The following NOX4 variants were observed in gnomAD, a reference collection of about 807,000 sequenced individuals.
NOX4 encodes NADPH oxidase 4.
NOX4 carries 69 observed loss-of-function variants against 87.6 expected under a neutral mutation model. The ratio of observed to expected loss-of-function variants is 0.79; its 90% CI spans 0.65 to 0.96. The LOEUF is 0.96. Among genes scored for constraint, NOX4 ranks in the 40% least tolerant of loss-of-function variants. NOX4 has a pLI of 0.00. For missense variants in NOX4, 680 were observed against 681.5 expected, an observed-to-expected ratio of 1.00 and a Z score of 0.02; for synonymous variants, 275 against 238.2, an observed-to-expected ratio of 1.15 and a Z score of -1.42.
chr11:89,333,010 T>C (rs1438232092), intron 17 of NOX4, among the ~76,000 whole-genome samples: 1 of 151,884 alleles, frequency 6.6e-6, no homozygotes, highest in Non-Finnish European at 1.5e-5. Context: ...TACCTAAATG[T>C]GTATACCTGT....
intron 16 of NOX4, 171 bp from the exon 17 acceptor site, chr11:89,336,116 T>G: frequency 2.4e-6 from 1 of 419,918 alleles, no homozygotes; most frequent in South Asian, 7.0e-5. Flanking sequence ...TTTCCTTTCT[T>G]CTTTCTTTTA....
chr11:89,587,191 T>A, the NOX4 span, among the ~76,000 whole-genome samples: 3 of 151,902 alleles, frequency 2.0e-5, no homozygotes, highest in Non-Finnish European at 4.4e-5. Context: ...AGAAACTGAA[T>A]TGTGAGAGTT....
intron 13 of NOX4, among the ~76,000 whole-genome samples, chr11:89,346,928 A>G (rs1378840203): frequency 1.3e-5 from 2 of 152,200 alleles, no homozygotes; most frequent in African/African-American, 4.8e-5. Context: ...AGCGTCCTTC[A>G]GACATCCTAC....
At chr11:89,555,303 G>C in the NOX4 span, among the ~76,000 whole-genome samples, 1 of 152,034 alleles carries the variant, frequency 6.6e-6, no homozygotes, top group African/African-American at 2.4e-5. Flanking sequence ...TAGGCAACAT[G>C]GCAAGACCTC....
At chr11:89,411,532 A>G (rs1942477112) in intron 8 of NOX4, among the ~76,000 whole-genome samples, 1 of 152,144 alleles carries the variant, frequency 6.6e-6, no homozygotes, top group Admixed American at 6.5e-5. Flanking sequence ...AGCATTCACT[A>G]CAAGCTGACT....
chr11:89,547,435 A>G, the NOX4 span, among the ~76,000 whole-genome samples: 2 of 152,284 alleles, frequency 1.3e-5, no homozygotes, highest in East Asian at 1.9e-4. Context: ...TCAGAAGACA[A>G]TAAACTGGTG....
At chr11:89,444,466 A>AACACACACAC (rs59319897) in intron 4 of NOX4, among the ~76,000 whole-genome samples, 1,801 of 147,222 alleles carry the variant, frequency 0.012, 40 homozygotes, top group African/African-American at 0.043. Flanking sequence ...GGATAAGAGA[A>AACACACACAC]ACACACACAC....
At chr11:89,445,295 C>T (rs754803398) in intron 4 of NOX4, among the ~76,000 whole-genome samples, 38 of 151,944 alleles carry the variant, frequency 2.5e-4, no homozygotes, top group Non-Finnish European at 1.2e-4. Context: ...TAATTTCCCA[C>T]AACCCATAAT....
In NOX4 at chr11:89,370,110, G is replaced by T. The variant is rs513372; in HGVS notation, c.1135+3322C>A. Among the ~76,000 whole-genome samples, 739 of 152,010 alleles carry T rather than the reference G, an allele frequency of 4.9e-3. 8 individuals are homozygous for T. Among genetic ancestry groups the T allele is most frequent in the African/African-American group, 0.017 (704 of 41,522 alleles). On this transcript the variant is annotated intron_variant, in intron 12 of 17. Coordinates refer to ENST00000263317, the MANE Select transcript of NOX4 (RefSeq NM_016931.5). ...ATATTTAAGATTACTTGCACTGTGAGAAGTCAATATATTATGTGACTGAGG... is the reference window on the plus strand; with the variant it reads ...ATATTTAAGATTACTTGCACTGTGATAAGTCAATATATTATGTGACTGAGG...
At chr11:89,487,976 C>G (rs1279476704) in intron 2 of NOX4, among the ~76,000 whole-genome samples, 2 of 151,990 alleles carry the variant, frequency 1.3e-5, no homozygotes, top group Non-Finnish European at 2.9e-5. Flanking sequence ...AGGTAATATA[C>G]AGACTGAAAA....
At chr11:89,488,991 T>C (rs994050054) in intron 2 of NOX4, 7 of 702,714 alleles carry the variant, frequency 1.0e-5, no homozygotes, top group Admixed American at 2.0e-5. Flanking sequence ...TTCAAGACAG[T>C]TCCTGGATTG....
At chr11:89,498,511 GT>G (rs1319718516), upstream of NOX4, among the ~76,000 whole-genome samples, 5 of 152,044 alleles carry the variant, frequency 3.3e-5, no homozygotes, top group African/African-American at 1.2e-4. Flanking sequence ...TTCACATCCC[GT>G]TTATATTAAA....
At chr11:89,386,843 GTC>G (rs199922902) in intron 11 of NOX4, among the ~76,000 whole-genome samples, 2,854 of 152,148 alleles carry the variant, frequency 0.019, 83 homozygotes, top group African/African-American at 0.065. Flanking sequence ...GATGTCCTGG[GTC>G]CTCCCAATTC....
chr11:89,494,424 G>A (rs950583014), upstream of NOX4, among the ~76,000 whole-genome samples: 1 of 152,090 alleles, frequency 6.6e-6, no homozygotes, highest in African/African-American at 2.4e-5. Flanking sequence ...AATCATTACT[G>A]CATTTTCCAC....
intron 15 of NOX4, among the ~76,000 whole-genome samples, chr11:89,339,760 A>G (rs1266977514): frequency 2.0e-5 from 3 of 152,136 alleles, no homozygotes; most frequent in Non-Finnish European, 4.4e-5. Flanking sequence ...ACCTTTAGCC[A>G]TATGCATACA....
At chr11:89,372,917 A>G (rs1939552675) in intron 12 of NOX4, among the ~76,000 whole-genome samples, 2 of 151,956 alleles carry the variant, frequency 1.3e-5, no homozygotes, top group African/African-American at 4.8e-5. Context: ...TGCATCTCTC[A>G]GGTAATAAAA....
chr11:89,437,700 A>T (rs1565290967), intron 6 of NOX4, among the ~76,000 whole-genome samples: 1 of 152,158 alleles, frequency 6.6e-6, no homozygotes, highest in Admixed American at 6.6e-5. Context: ...AGCCCTTCCC[A>T]ACCCAAGAGA....
the NOX4 span, among the ~76,000 whole-genome samples, chr11:89,584,552 G>C: frequency 1.3e-5 from 2 of 152,158 alleles, no homozygotes; most frequent in Non-Finnish European, 2.9e-5. Context: ...AGCTTTGACA[G>C]TTTAATTCAC....
intron 13 of NOX4, among the ~76,000 whole-genome samples, chr11:89,350,511 G>A (rs1298590090): frequency 1.3e-5 from 2 of 152,112 alleles, no homozygotes; most frequent in Non-Finnish European, 2.9e-5. Context: ...ATGAGTCCAT[G>A]TTAGTGATGT....
Sources: gnomAD v4.1 joint callset for allele counts (sites outside exome capture counted in the v4.1 genomes callset) on GRCh38, gnomAD v4.1.1 for gene constraint, MANE v1.5 for transcripts, NCBI Gene and HGNC (gene_info 2026-07-23, HGNC 2026-07-21) for gene names.